Variants in MIB1 observed in about 807,000 individuals in gnomAD.
MIB1 encodes the protein MIB E3 ubiquitin protein ligase 1.
A neutral mutation model predicts 124.5 loss-of-function variants in MIB1; 278 were observed. The ratio of observed to expected loss-of-function variants is 2.23; its 90% confidence interval spans 2.02 to 2.47. The LOEUF (loss-of-function observed/expected upper bound fraction) is 2.47. MIB1 is among the 30% of genes most tolerant of loss of function. The pLI is 0.00. For missense variants in MIB1, 957 were observed against 1,254.4 expected (o/e 0.76, Z 3.58); for synonymous variants, 446 against 429.4 (o/e 1.04, Z -0.48).
At chr18:21,751,372 T>C (rs2040973311) in intron 1 of MIB1, among the ~76,000 whole-genome samples, 1 of 152,142 alleles carries the variant, frequency 6.6e-6, no homozygotes, top group Non-Finnish European at 1.5e-5. Context: ...GTGATTCTCC[T>C]GCCTCAACCC....
chr18:21,831,665 G>A (rs1243929790), intron 12 of MIB1, among the ~76,000 whole-genome samples: 3 of 151,264 alleles, frequency 2.0e-5, no homozygotes, highest in Non-Finnish European at 4.4e-5. Context: ...TTTTTTTGAG[G>A]GGGGGTAAGC....
In MIB1 at chr18:21,864,876, T is replaced by A. The variant is rs1023639388; in HGVS notation, c.*210T>A. 2.5e-6 allele frequency: 1 copy of A among 394,272 alleles called. No individual in the cohort carries two copies. Among genetic ancestry groups the A allele is most frequent in the African/African-American group, 2.0e-5 (1 of 49,058 alleles). 24.4% of individuals were successfully genotyped at this position (394,272 alleles called of 1,614,324 possible). A position where few individuals can be genotyped will look rare whatever the true frequency, so the allele number is the denominator to read the frequency against. Reference sequence around the variant, plus strand: ...TTGTTTTTGTTTTAAATTTGAAACATCAAATTCATGTAACTCATAGGATAA... The same window carrying A: ...TTGTTTTTGTTTTAAATTTGAAACAACAAATTCATGTAACTCATAGGATAA... On this transcript the variant is annotated 3_prime_UTR_variant, in exon 21 of 21. Coordinates refer to ENST00000261537, the MANE Select transcript of MIB1 (RefSeq NM_020774.4).
rs1419618133 is a variant in MIB1, at chr18:21,866,988, T to C, written c.*2322T>C. 1 of 152,638 alleles carries C rather than the reference T, an allele frequency of 6.6e-6. No homozygotes were observed. Among genetic ancestry groups the C allele is most frequent in the Non-Finnish European group, 1.5e-5 (1 of 68,032 alleles). The allele number at this position is 152,638 out of a possible 1,614,324, so 9.5% of individuals were successfully genotyped here. A position where few individuals can be genotyped will look rare whatever the true frequency, so the allele number is the denominator to read the frequency against. ...ACTCTCTGAATCTGCTACCTCTTAT[T>C]ATATGTCCCTTAGCAGTACTTTTCC... On this transcript the variant is annotated 3_prime_UTR_variant, in exon 21 of 21. Transcript: ENST00000261537.
chr18:21,780,568 A>C (rs2041349134), intron 6 of MIB1, among the ~76,000 whole-genome samples: 1 of 152,118 alleles, frequency 6.6e-6, no homozygotes, highest in Admixed American at 6.5e-5. Flanking sequence ...ACAGGATTTC[A>C]TTCTTTTTAT....
Position 21,765,812 on chromosome 18 carries a change from G to A in MIB1, c.270G>A (p.Gln90=). 1.2e-6 allele frequency: 2 copies of A among 1,614,140 alleles called. No homozygotes were observed. The highest frequency in any genetic ancestry group is 1.7e-6 in the Non-Finnish European group (2 of 1,180,006). ...GAACCATGTGTGATACCTGCCGCCA[G>A]CAACCAATCATTGGCATTCGATGGA... The part of the protein sequence containing the change: ...HDGTMCDTCR[Q]QPIIGIRWKC... Residue 90 remains glutamine (Q), a synonymous_variant, in exon 2 of 21, where the codon CAG becomes CAA. Coordinates refer to ENST00000261537, the MANE Select transcript of MIB1 (RefSeq NM_020774.4).
intron 1 of MIB1, among the ~76,000 whole-genome samples, chr18:21,756,473 A>AT (rs544223883): frequency 0.013 from 1,904 of 150,872 alleles, 24 homozygotes; most frequent in Middle Eastern, 0.027. Flanking sequence ...TCTTTTTTTT[A>AT]TTTTTTTTTG....
chr18:21,753,143 T>C (rs2040993637), intron 1 of MIB1, among the ~76,000 whole-genome samples: 1 of 152,204 alleles, frequency 6.6e-6, no homozygotes, highest in Non-Finnish European at 1.5e-5. Flanking sequence ...GGATTAAACC[T>C]TCAGAATGAT....
At chr18:21,838,123 T>A (rs1363414118) in intron 12 of MIB1, among the ~76,000 whole-genome samples, 1 of 152,030 alleles carries the variant, frequency 6.6e-6, no homozygotes, top group African/African-American at 2.4e-5. Flanking sequence ...AAAAGCTAGC[T>A]GGGCATGGTG....
At chr18:21,827,281 A>G (rs1037108576) in intron 12 of MIB1, 15 of 152,060 alleles carry the variant, frequency 9.9e-5, no homozygotes, top group Non-Finnish European at 1.6e-4. Context: ...ATACTCTTAG[A>G]TAAGTTAAAC....
At chr18:21,804,530 T>C (rs2041682990) in intron 10 of MIB1, among the ~76,000 whole-genome samples, 1 of 152,236 alleles carries the variant, frequency 6.6e-6, no homozygotes, top group South Asian at 2.1e-4. Context: ...TATATTCTTA[T>C]AAAAGAGAAA....
intron 12 of MIB1, among the ~76,000 whole-genome samples, chr18:21,838,067 T>A (rs2042049693): frequency 6.6e-6 from 1 of 152,162 alleles, no homozygotes; most frequent in South Asian, 2.1e-4. Flanking sequence ...TCTGTTTTGA[T>A]TCTATTTCCC....
At chr18:21,821,621 C>T (rs1263737674) in intron 12 of MIB1, among the ~76,000 whole-genome samples, 1 of 145,240 alleles carries the variant, frequency 6.9e-6, no homozygotes, top group Non-Finnish European at 1.5e-5. Flanking sequence ...TTTTTTGAGG[C>T]AGAGTCTTGC....
chr18:21,843,247 A>G, intron 14 of MIB1, 30 bp downstream of exon 14: 3 of 1,474,556 alleles, frequency 2.0e-6, no homozygotes, highest in South Asian at 1.3e-5. Context: ...TTTAGCTTAT[A>G]ATTACATTTT....
At chr18:21,801,966 CTT>C (rs2041655320) in intron 9 of MIB1, among the ~76,000 whole-genome samples, 1 of 152,102 alleles carries the variant, frequency 6.6e-6, no homozygotes, top group African/African-American at 2.4e-5. Flanking sequence ...CATTTTCTCT[CTT>C]TTTGGTGAAG....
Position 21,791,561 on chromosome 18 carries a change from A to C in MIB1, c.1092+4A>C. ...ATGGGCTGAAGCGATGCTTCCAGTA[A>C]GTATGTTTAGAATAATTCTGGGCTA... On this transcript the variant is annotated splice_donor_region_variant and intron_variant, in intron 7 of 20. Coordinates refer to ENST00000261537, the MANE Select transcript of MIB1 (RefSeq NM_020774.4). The C allele has an allele frequency of 6.2e-7, 1 of 1,606,206 alleles. No individual in the cohort carries two copies. Among genetic ancestry groups the C allele is most frequent in the Non-Finnish European group, 8.5e-7 (1 of 1,173,968 alleles).
At chr18:21,844,377 T>C in intron 15 of MIB1, 124 bp downstream of exon 15, 2 of 1,048,690 alleles carry the variant, frequency 1.9e-6, no homozygotes, top group Non-Finnish European at 2.7e-6. Context: ...ACTTAGAAAC[T>C]TAGTTTATGA....
intron 13 of MIB1, among the ~76,000 whole-genome samples, chr18:21,842,566 T>G (rs1022563436): frequency 1.3e-5 from 2 of 152,150 alleles, no homozygotes; most frequent in African/African-American, 4.8e-5. Flanking sequence ...TCTCATACGG[T>G]TCTTCAGCTG....
At chr18:21,842,245 C>T (rs916433869) in intron 13 of MIB1, among the ~76,000 whole-genome samples, 4 of 152,022 alleles carry the variant, frequency 2.6e-5, no homozygotes, top group East Asian at 1.9e-4. Flanking sequence ...CTGCATACCC[C>T]GCCAGTATCA....
intron 13 of MIB1, among the ~76,000 whole-genome samples, chr18:21,840,627 GTATATATATATATA>G (rs57360671): frequency 6.6e-4 from 73 of 110,610 alleles, no homozygotes; most frequent in African/African-American, 2.7e-3. Context: ...CATCTCTACT[GTATATATATATATA>G]TATATATATA....
Sources: gnomAD v4.1 joint callset for allele counts (sites outside exome capture counted in the v4.1 genomes callset) on GRCh38, gnomAD v4.1.1 for gene constraint, MANE v1.5 for transcripts, NCBI Gene and HGNC (gene_info 2026-07-23, HGNC 2026-07-21) for gene names.